SETBP1: variants seen among roughly 807,000 people sequenced by gnomAD.
SETBP1 encodes the protein SET binding protein 1.
A neutral mutation model predicts 101.0 loss-of-function variants in SETBP1; 9 were observed. The ratio of observed to expected loss-of-function variants is 0.09; its 90% confidence interval spans 0.05 to 0.16. The LOEUF (loss-of-function observed/expected upper bound fraction) is 0.16. Among genes scored for constraint, SETBP1 ranks in the 10% least tolerant of loss-of-function variants. The pLI, the probability that SETBP1 is intolerant of heterozygous loss-of-function variation, is 1.00. For missense variants in SETBP1, 1,858 were observed against 2,033.8 expected (o/e 0.91, Z 1.66); for synonymous variants, 818 against 788.5 (o/e 1.04, Z -0.63).
intron 3 of SETBP1, among the ~76,000 whole-genome samples, chr18:44,908,196 G>A (rs2070221193): frequency 6.6e-6 from 1 of 151,950 alleles, no homozygotes; most frequent in Non-Finnish European, 1.5e-5. Flanking sequence ...GAGTAGCTGG[G>A]ATTACAGGCG....
intron 2 of SETBP1, among the ~76,000 whole-genome samples, chr18:44,788,003 T>G (rs1035517318): frequency 2.9e-5 from 4 of 137,162 alleles, no homozygotes; most frequent in Non-Finnish European, 4.7e-5. Context: ...TTTATTGGAG[T>G]TTTTTTTTTT....
chr18:44,845,287 G>A (rs2072702226), intron 2 of SETBP1, among the ~76,000 whole-genome samples: 2 of 152,056 alleles, frequency 1.3e-5, no homozygotes, highest in Admixed American at 6.5e-5. Context: ...AACATCTCCT[G>A]GAATCTCAGG....
At chr18:44,792,019 T>C (rs917242467) in intron 2 of SETBP1, among the ~76,000 whole-genome samples, 1 of 152,212 alleles carries the variant, frequency 6.6e-6, no homozygotes, top group Non-Finnish European at 1.5e-5. Flanking sequence ...GGGCTCATCA[T>C]TTCATTTCTG....
chr18:45,014,703 T>C (rs1360858579), intron 4 of SETBP1, among the ~76,000 whole-genome samples: 1 of 152,188 alleles, frequency 6.6e-6, no homozygotes, highest in African/African-American at 2.4e-5. Flanking sequence ...ATTCAAAATC[T>C]GACCCTACCA....
At chr18:44,890,542 A>G (rs961271124) in intron 3 of SETBP1, among the ~76,000 whole-genome samples, 1 of 152,076 alleles carries the variant, frequency 6.6e-6, no homozygotes, top group Non-Finnish European at 1.5e-5. Flanking sequence ...TATGGACACG[A>G]TATATCATCA....
chr18:45,005,044 A>G (rs1046123414), intron 4 of SETBP1, among the ~76,000 whole-genome samples: 2 of 152,224 alleles, frequency 1.3e-5, no homozygotes, highest in African/African-American at 2.4e-5. Flanking sequence ...GCAGAGTCCT[A>G]TAAGGGCTTT....
intron 3 of SETBP1, among the ~76,000 whole-genome samples, chr18:44,931,869 C>G (rs2070843671): frequency 6.6e-6 from 1 of 152,172 alleles, no homozygotes; most frequent in Non-Finnish European, 1.5e-5. Context: ...ATATAGCACA[C>G]TGATGGGTCT....
intron 4 of SETBP1, among the ~76,000 whole-genome samples, chr18:44,962,946 A>G (rs1259054824): frequency 6.6e-6 from 1 of 152,324 alleles, no homozygotes; most frequent in East Asian, 1.9e-4. Context: ...GTCATCCCAT[A>G]CATCTGAACA....
chr18:44,790,249 C>A (rs938352989), intron 2 of SETBP1, among the ~76,000 whole-genome samples: 3 of 152,096 alleles, frequency 2.0e-5, no homozygotes, highest in Non-Finnish European at 4.4e-5. Context: ...AAAAAAAAAT[C>A]TCAACCAAAT....
chr18:44,864,275 C>G (rs574427302), intron 2 of SETBP1, among the ~76,000 whole-genome samples: 1 of 151,956 alleles, frequency 6.6e-6, no homozygotes, highest in Non-Finnish European at 1.5e-5. Flanking sequence ...GGGTGGGAGA[C>G]GCAAAGAGAG....
intron 2 of SETBP1, among the ~76,000 whole-genome samples, chr18:44,824,375 A>T (rs999625917): frequency 6.6e-6 from 1 of 152,048 alleles, no homozygotes; most frequent in East Asian, 1.9e-4. Flanking sequence ...TGGGATCTAT[A>T]TAGGGTTTTG....
chr18:45,032,600 C>A (rs7241976), intron 4 of SETBP1, among the ~76,000 whole-genome samples: 20,738 of 152,092 alleles, frequency 0.14, 2,376 homozygotes, highest in African/African-American at 0.32. Flanking sequence ...CCTCTGATTA[C>A]GCAGGTTGTT....
At chr18:44,698,326 C>T (rs908319791) in intron 1 of SETBP1, among the ~76,000 whole-genome samples, 10 of 152,158 alleles carry the variant, frequency 6.6e-5, no homozygotes, top group Admixed American at 1.3e-4. Flanking sequence ...TGATATTATT[C>T]CTTCTCCACT....
intron 4 of SETBP1, among the ~76,000 whole-genome samples, chr18:45,011,183 T>C (rs1053607883): frequency 6.6e-6 from 1 of 152,168 alleles, no homozygotes; most frequent in Non-Finnish European, 1.5e-5. Context: ...ACTACGTTGT[T>C]AGAATCATAG....
At position 45,063,845 on chromosome 18, in the gene SETBP1, G is replaced by A. The variant is rs1048054697; in HGVS notation, c.*147G>A. 1.6e-4 allele frequency: 139 copies of A among 858,650 alleles called. 1 individual carries two copies. Among genetic ancestry groups the A allele is most frequent in the Admixed American group, 1.4e-4 (5 of 35,814 alleles). 53.2% of individuals were successfully genotyped at this position (858,650 alleles called of 1,614,324 possible). On this transcript the variant is annotated 3_prime_UTR_variant, in exon 6 of 6. Coordinates refer to ENST00000649279, the MANE Select transcript of SETBP1 (RefSeq NM_015559.3). The stretch of plus-strand genomic sequence containing the variant: ...GCAGGCAGAATCCGGCCAGACGACG[G>A]GGCTGAGCCATCAGGAGCTCTTGGG...
intron 3 of SETBP1, among the ~76,000 whole-genome samples, chr18:44,937,534 C>T (rs1036742612): frequency 6.6e-6 from 1 of 151,654 alleles, no homozygotes; most frequent in African/African-American, 2.4e-5. Context: ...GGTCAGGTGA[C>T]GTGTCTAGTG....
chr18:44,758,476 G>A (rs376225718), intron 2 of SETBP1, among the ~76,000 whole-genome samples: 55 of 151,294 alleles, frequency 3.6e-4, no homozygotes, highest in African/African-American at 1.3e-3. Context: ...TCTGCCTCCC[G>A]GGTTGAGGCG....
chr18:45,058,953 T>C lies in SETBP1; in HGVS notation c.4172-4126T>C, dbSNP rs184224404. On this transcript the variant is annotated intron_variant, in intron 5 of 5. Transcript: ENST00000649279. ...GGATGCATGACCTTCACGGGGAACATCTCCTCTTATCCTTCAAAAAATATT... is the reference window on the plus strand; with the variant it reads ...GGATGCATGACCTTCACGGGGAACACCTCCTCTTATCCTTCAAAAAATATT... 1.9e-3 allele frequency among the ~76,000 whole-genome samples: 293 copies of C among 152,254 alleles called. 2 individuals are homozygous for C. The highest frequency in any genetic ancestry group is 6.4e-3 in the African/African-American group (266 of 41,546).
At chr18:45,002,109 C>T (rs938790529) in intron 4 of SETBP1, among the ~76,000 whole-genome samples, 1 of 152,180 alleles carries the variant, frequency 6.6e-6, no homozygotes, top group African/African-American at 2.4e-5. Context: ...CCTTCTCCCC[C>T]ACAGTTCAGT....
Sources: allele counts gnomAD v4.1 joint callset (sites outside exome capture counted in the v4.1 genomes callset), GRCh38; gene constraint gnomAD v4.1.1; transcripts MANE v1.5; gene names NCBI Gene and HGNC (gene_info 2026-07-23, HGNC 2026-07-21).